TSHZ2: variants seen among roughly 807,000 people sequenced by gnomAD.
The protein encoded by TSHZ2 is teashirt homolog 2.
Under a neutral mutation model 74.4 loss-of-function variants are expected in TSHZ2, and 21 were observed. That is an observed-to-expected ratio of 0.28 (90% CI 0.20 to 0.41). The LOEUF (loss-of-function observed/expected upper bound fraction) is 0.41. Ranked by LOEUF, TSHZ2 falls within the 10% of genes least tolerant of loss-of-function variation. The probability of loss-of-function intolerance (pLI) is 1.00; values close to 1 mark genes in which losing one functional copy is unlikely to be tolerated. For missense variants in TSHZ2, 1,244 were observed against 1,293.5 expected, an observed-to-expected ratio of 0.96 and a Z score of 0.59; for synonymous variants, 540 against 515.3, an observed-to-expected ratio of 1.05 and a Z score of -0.65.
intron 2 of TSHZ2, among the ~76,000 whole-genome samples, chr20:53,428,139 T>G (rs975837145): frequency 3.9e-5 from 6 of 152,160 alleles, no homozygotes; most frequent in African/African-American, 1.4e-4. Context: ...GGGGGCATGA[T>G]GTGGAGGAGA....
intron 2 of TSHZ2, among the ~76,000 whole-genome samples, chr20:53,371,815 G>T (rs1981481633): frequency 6.6e-6 from 1 of 150,506 alleles, no homozygotes; most frequent in South Asian, 2.1e-4. Flanking sequence ...GGCGGGTGTT[G>T]CAGTGAGCTG....
intron 1 of TSHZ2, among the ~76,000 whole-genome samples, chr20:53,117,579 C>A (rs915274839): frequency 5.3e-5 from 8 of 152,148 alleles, no homozygotes; most frequent in African/African-American, 1.7e-4. Context: ...GAGAAGGAAG[C>A]AGTTCTAGAT....
At chr20:53,373,416 A>C (rs1350096826) in intron 2 of TSHZ2, among the ~76,000 whole-genome samples, 1 of 152,202 alleles carries the variant, frequency 6.6e-6, no homozygotes, top group Non-Finnish European at 1.5e-5. Flanking sequence ...TATCATTTGC[A>C]TTCCAAGCAT....
At chr20:53,250,962 T>C (rs993757926) in intron 1 of TSHZ2, among the ~76,000 whole-genome samples, 57 of 152,134 alleles carry the variant, frequency 3.7e-4, no homozygotes, top group African/African-American at 1.4e-3. Flanking sequence ...AGTGCATGTA[T>C]GTATATTTCA....
intron 1 of TSHZ2, among the ~76,000 whole-genome samples, chr20:53,078,849 C>T (rs1437343246): frequency 6.6e-6 from 1 of 152,120 alleles, no homozygotes; most frequent in Non-Finnish European, 1.5e-5. Flanking sequence ...AATCGTAATT[C>T]CATTTGGGAA....
intron 1 of TSHZ2, among the ~76,000 whole-genome samples, chr20:53,212,442 CGGG>C (rs1989334615): frequency 6.6e-6 from 1 of 152,102 alleles, no homozygotes; most frequent in Non-Finnish European, 1.5e-5. Context: ...TAATTCTTTA[CGGG>C]AACACAGGGC....
At chr20:53,238,811 G>T (rs1238062410) in intron 1 of TSHZ2, among the ~76,000 whole-genome samples, 1 of 117,160 alleles carries the variant, frequency 8.5e-6, no homozygotes, top group African/African-American at 3.3e-5. Context: ...GATGCTATAA[G>T]TCAGTCCCAA....
chr20:53,174,209 C>T (rs544102881), intron 1 of TSHZ2, among the ~76,000 whole-genome samples: 155 of 152,222 alleles, frequency 1.0e-3, no homozygotes, highest in Middle Eastern at 6.8e-3. Context: ...TAGGGTTGTG[C>T]GCCCAGCCAG....
At chr20:53,167,554 TTTGC>T (rs1988091516) in intron 1 of TSHZ2, among the ~76,000 whole-genome samples, 2 of 152,126 alleles carry the variant, frequency 1.3e-5, no homozygotes, top group Admixed American at 6.5e-5. Flanking sequence ...GTTTTGTTTG[TTTGC>T]TTGCTTGTTT....
chr20:53,091,249 C>T (rs926680768), intron 1 of TSHZ2, among the ~76,000 whole-genome samples: 1 of 152,116 alleles, frequency 6.6e-6, no homozygotes, highest in Non-Finnish European at 1.5e-5. Flanking sequence ...TTATGTAAAG[C>T]CTGGATAGTA....
intron 1 of TSHZ2, among the ~76,000 whole-genome samples, chr20:53,138,798 C>A (rs751015639): frequency 1.3e-5 from 2 of 152,204 alleles, no homozygotes; most frequent in Non-Finnish European, 2.9e-5. Context: ...GTAGGTGTTT[C>A]CTTCAATCCC....
chr20:53,285,880 T>G (rs1038415783), intron 2 of TSHZ2, among the ~76,000 whole-genome samples: 5 of 152,230 alleles, frequency 3.3e-5, no homozygotes, highest in South Asian at 2.1e-4. Flanking sequence ...CACAGATGGA[T>G]TGAATATCTA....
intron 2 of TSHZ2, among the ~76,000 whole-genome samples, chr20:53,433,401 C>T (rs6126837): frequency 3.6e-4 from 53 of 148,252 alleles, no homozygotes; most frequent in African/African-American, 1.2e-3. Flanking sequence ...AAATGGGTGT[C>T]GTAGCATGCA....
intron 1 of TSHZ2, 126 bp from the exon 2 acceptor site, chr20:53,253,373 A>G (rs1990371659): frequency 1.4e-6 from 2 of 1,450,682 alleles, no homozygotes; most frequent in South Asian, 1.5e-5. Context: ...CACTGCTCAC[A>G]GTGCATAAAA....
chr20:53,478,631 G>A (rs1295596747), intron 2 of TSHZ2, among the ~76,000 whole-genome samples: 1 of 151,202 alleles, frequency 6.6e-6, no homozygotes, highest in African/African-American at 2.4e-5. Context: ...CCTACACAAT[G>A]TGCACATGTA....
chr20:53,075,665 A>T (rs1985343384), intron 1 of TSHZ2, among the ~76,000 whole-genome samples: 1 of 152,216 alleles, frequency 6.6e-6, no homozygotes, highest in South Asian at 2.1e-4. Context: ...GCGTGATAAG[A>T]TATGAGAATG....
At chr20:53,216,046 CCTT>C (rs1385105478) in intron 1 of TSHZ2, among the ~76,000 whole-genome samples, 3 of 152,084 alleles carry the variant, frequency 2.0e-5, no homozygotes, top group African/African-American at 7.2e-5. Flanking sequence ...TTGGCCAAGA[CCTT>C]CTTCCCCAGT....
intron 2 of TSHZ2, among the ~76,000 whole-genome samples, chr20:53,341,629 T>C (rs1438153725): frequency 6.6e-6 from 1 of 152,050 alleles, no homozygotes; most frequent in Non-Finnish European, 1.5e-5. Flanking sequence ...CCGGCCGAAT[T>C]ATCTCTTATC....
At chr20:53,213,418 G>A (rs1242656859) in intron 1 of TSHZ2, among the ~76,000 whole-genome samples, 2 of 152,090 alleles carry the variant, frequency 1.3e-5, no homozygotes, top group Non-Finnish European at 2.9e-5. Context: ...GAGCTAATAG[G>A]AACCACCCAG....
Sources: allele counts gnomAD v4.1 joint callset (sites outside exome capture counted in the v4.1 genomes callset), GRCh38; gene constraint gnomAD v4.1.1; transcripts MANE v1.5; gene names NCBI Gene and HGNC (gene_info 2026-07-23, HGNC 2026-07-21).